The following THSD7A variants were observed in gnomAD, a reference collection of about 807,000 sequenced individuals.
The protein encoded by THSD7A is thrombospondin type-1 domain-containing protein 7A.
THSD7A carries 96 observed loss-of-function variants against 231.3 expected under a neutral mutation model. That is an observed-to-expected ratio of 0.41 (90% CI 0.35 to 0.49). The LOEUF is 0.49. THSD7A is among the 20% of genes least tolerant of loss of function. The pLI, the probability that THSD7A is intolerant of heterozygous loss-of-function variation, is 0.05. For missense variants in THSD7A, 2,290 were observed against 2,070.2 expected (o/e 1.11, Z -2.06); for synonymous variants, 940 against 743.3 (o/e 1.26, Z -4.30).
chr7:11,813,380 C>T (rs943128340), intron 1 of THSD7A, among the ~76,000 whole-genome samples: 4 of 151,976 alleles, frequency 2.6e-5, no homozygotes, highest in African/African-American at 9.7e-5. Flanking sequence ...AACCGAAATT[C>T]ACAAAAAACA....
rs879401840 is a variant in THSD7A, at chr7:11,374,914, T to A, written c.*880A>T. 1.3e-5 allele frequency: 2 copies of A among 152,094 alleles called. No individual in the cohort carries two copies. Among genetic ancestry groups the A allele is most frequent in the Non-Finnish European group, 2.9e-5 (2 of 67,994 alleles). 9.4% of individuals were successfully genotyped at this position (152,094 alleles called of 1,614,324 possible). On this transcript the variant is annotated 3_prime_UTR_variant, in exon 28 of 28. Transcript: ENST00000423059. ...GTCTTCATGCCACTCTTGGCACAGA[T>A]GTCTTCATCCCACATGAAAAGAGGC...
intron 1 of THSD7A, among the ~76,000 whole-genome samples, chr7:11,732,951 A>G (rs1472087904): frequency 1.3e-5 from 2 of 151,852 alleles, no homozygotes; most frequent in Non-Finnish European, 2.9e-5. Context: ...ACCATAATAA[A>G]CTTTTCATAA....
In THSD7A at chr7:11,756,269, G is replaced by C. The variant is rs149848777; in HGVS notation, c.190+75488C>G. ...GGAGAGCAACGAGGTAATAAATGTTGTGCATACAAAGATGACCAAACATTT... is the reference window on the plus strand; with the variant it reads ...GGAGAGCAACGAGGTAATAAATGTTCTGCATACAAAGATGACCAAACATTT... On this transcript the variant is annotated intron_variant, in intron 1 of 27. Coordinates refer to ENST00000423059, the MANE Select transcript of THSD7A (RefSeq NM_015204.3). Among the ~76,000 whole-genome samples the C allele has an allele frequency of 9.2e-5, 14 of 152,118 alleles. No individual in the cohort carries two copies. In the East Asian group the frequency reaches 2.3e-3, roughly 25 times the overall value.
intron 2 of THSD7A, among the ~76,000 whole-genome samples, chr7:11,604,345 C>T (rs370745129): frequency 2.0e-5 from 3 of 151,968 alleles, no homozygotes; most frequent in Admixed American, 6.6e-5. Context: ...TACAAAGAAC[C>T]GGGTACCGTG....
At position 11,377,984 on chromosome 7, in the gene THSD7A, A is replaced by G. The variant is rs1782345907; in HGVS notation, c.4801+1086T>C. ...TTAAACACTGAGGGAAGAGTTTCCC[A>G]TGCTTACACAGATAAGTCAGCTTTG... On this transcript the variant is annotated intron_variant, in intron 26 of 27. Coordinates refer to ENST00000423059, the MANE Select transcript of THSD7A (RefSeq NM_015204.3). The surrounding 1 kb of genome is among the most constrained non-coding windows in gnomAD (Gnocchi z 4.5). 6.6e-6 allele frequency: 1 copy of G among 152,102 alleles called. No individual in the cohort carries two copies. The highest frequency in any genetic ancestry group is 1.5e-5 in the Non-Finnish European group (1 of 68,008). 9.4% of individuals were successfully genotyped at this position (152,102 alleles called of 1,614,324 possible).
intron 4 of THSD7A, among the ~76,000 whole-genome samples, chr7:11,584,235 G>T (rs192658038): frequency 6.6e-6 from 1 of 152,114 alleles, no homozygotes; most frequent in East Asian, 1.9e-4. Context: ...CCTCAGTTCT[G>T]CCCTTAAGAT....
chr7:11,615,448 A>G (rs1405707657), intron 2 of THSD7A, among the ~76,000 whole-genome samples: 1 of 152,182 alleles, frequency 6.6e-6, no homozygotes, highest in Non-Finnish European at 1.5e-5. Context: ...TCCCCCAGGA[A>G]TTCTGCACTC....
At chr7:11,631,262 T>C (rs1781644257) in intron 2 of THSD7A, among the ~76,000 whole-genome samples, 1 of 152,210 alleles carries the variant, frequency 6.6e-6, no homozygotes, top group Non-Finnish European at 1.5e-5. Flanking sequence ...TATAGACACT[T>C]CGTTTTTTCA....
At chr7:11,752,664 C>T (rs778070206) in intron 1 of THSD7A, among the ~76,000 whole-genome samples, 1 of 151,988 alleles carries the variant, frequency 6.6e-6, no homozygotes, top group South Asian at 2.1e-4. Context: ...ACCTTTAATC[C>T]CAACACTTTG....
At chr7:11,455,377 T>C (rs1015563974) in intron 11 of THSD7A, among the ~76,000 whole-genome samples, 2 of 152,096 alleles carry the variant, frequency 1.3e-5, no homozygotes, top group Non-Finnish European at 2.9e-5. Context: ...TTTCTAATGT[T>C]TCTACAGAAA....
At chr7:11,482,386 G>A (rs1786463974) in intron 6 of THSD7A, among the ~76,000 whole-genome samples, 1 of 152,070 alleles carries the variant, frequency 6.6e-6, no homozygotes, top group African/African-American at 2.4e-5. Flanking sequence ...TCTATCCATA[G>A]CATCTATCAT....
At chr7:11,798,516 G>C (rs1784190768) in intron 1 of THSD7A, among the ~76,000 whole-genome samples, 1 of 151,268 alleles carries the variant, frequency 6.6e-6, no homozygotes, top group South Asian at 2.1e-4. Context: ...AAAAGAGAAA[G>C]AAATATGCAA....
intron 8 of THSD7A, among the ~76,000 whole-genome samples, chr7:11,472,057 G>A (rs10950349): frequency 0.4 from 61,026 of 151,934 alleles, 13,110 homozygotes; most frequent in East Asian, 0.67. Context: ...ATACTTGGCT[G>A]ACTGTGGAGA....
intron 26 of THSD7A, chr7:11,376,926 C>A (rs1171163876): frequency 3.6e-6 from 1 of 281,476 alleles, no homozygotes; most frequent in Non-Finnish European, 6.6e-6. Flanking sequence ...ACTTCAGCTG[C>A]CTTTCATCTC....
chr7:11,482,635 C>T (rs78501410), intron 6 of THSD7A, among the ~76,000 whole-genome samples: 1 of 152,130 alleles, frequency 6.6e-6, no homozygotes, highest in Non-Finnish European at 1.5e-5. Flanking sequence ...TGTGATGTCA[C>T]TCCAGTGCTT....
At chr7:11,693,092 G>A (rs1780283846) in intron 1 of THSD7A, among the ~76,000 whole-genome samples, 1 of 151,436 alleles carries the variant, frequency 6.6e-6, no homozygotes, top group Non-Finnish European at 1.5e-5. Context: ...TGAAATGAAT[G>A]AACTTTTCAA....
chr7:11,575,906 G>A (rs1790880100), intron 4 of THSD7A, among the ~76,000 whole-genome samples: 1 of 152,170 alleles, frequency 6.6e-6, no homozygotes, highest in African/African-American at 2.4e-5. Flanking sequence ...ATTCAACACA[G>A]TTACAGTGTC....
chr7:11,603,981 A>T (rs1451193790), intron 2 of THSD7A, among the ~76,000 whole-genome samples: 1 of 151,954 alleles, frequency 6.6e-6, no homozygotes, highest in Non-Finnish European at 1.5e-5. Context: ...ATACATATGT[A>T]ACTAATCTGC....
chr7:11,706,599 T>C (rs1780773983), intron 1 of THSD7A, among the ~76,000 whole-genome samples: 1 of 145,378 alleles, frequency 6.9e-6, no homozygotes, highest in Non-Finnish European at 1.5e-5. Context: ...CCACTTAGTT[T>C]GTAAAATTGA....
Sources: gnomAD v4.1 joint callset for allele counts (sites outside exome capture counted in the v4.1 genomes callset) on GRCh38, gnomAD v4.1.1 for gene constraint, Gnocchi (gnomAD v3.1) non-coding constraint, MANE v1.5 for transcripts, NCBI Gene and HGNC (gene_info 2026-07-23, HGNC 2026-07-21) for gene names.